AKAP6: variants seen among roughly 807,000 people sequenced by gnomAD.
The protein encoded by AKAP6 is A-kinase anchoring protein 6, also known as A-kinase anchor protein 6.
AKAP6 carries 58 observed loss-of-function variants against 188.5 expected under a neutral mutation model. The observed-to-expected ratio is 0.31, with a 90% CI of 0.25 to 0.38. AKAP6 has a LOEUF of 0.38. Ranked by LOEUF, AKAP6 falls within the 10% of genes least tolerant of loss-of-function variation. The pLI is 1.00. For missense variants in AKAP6, 2,710 were observed against 2,740.0 expected, an observed-to-expected ratio of 0.99 and a Z score of 0.24; for synonymous variants, 989 against 998.6, an observed-to-expected ratio of 0.99 and a Z score of 0.18.
chr14:32,703,392 A>G (rs547454390), intron 9 of AKAP6, among the ~76,000 whole-genome samples: 1 of 152,354 alleles, frequency 6.6e-6, no homozygotes, highest in South Asian at 2.1e-4. Flanking sequence ...GCTCCTAGAA[A>G]ACTGTGCTTA....
At chr14:32,394,628 A>G (rs1348317874) in intron 1 of AKAP6, among the ~76,000 whole-genome samples, 4 of 152,210 alleles carry the variant, frequency 2.6e-5, no homozygotes, top group Admixed American at 2.6e-4. Flanking sequence ...CTAAATGTAC[A>G]CACACATGTA....
At chr14:32,787,131 T>C (rs551424448) in intron 12 of AKAP6, among the ~76,000 whole-genome samples, 2 of 152,344 alleles carry the variant, frequency 1.3e-5, no homozygotes, top group East Asian at 3.9e-4. Context: ...ACATAACCAA[T>C]TACCACATTT....
intron 8 of AKAP6, among the ~76,000 whole-genome samples, chr14:32,687,572 C>A (rs1889992256): frequency 6.6e-6 from 1 of 151,960 alleles, no homozygotes; most frequent in Admixed American, 6.6e-5. Context: ...TGCACACCAG[C>A]CATAAAATGA....
Position 32,837,129 on chromosome 14 carries a change from T to G in AKAP6, c.*7324T>G, listed in dbSNP as rs1306702710. ...TGTACCATTGCTCTTTCTCCCTTCTTTATTCATTTTATATGGGGACGTTTG... is the reference window on the plus strand; with the variant it reads ...TGTACCATTGCTCTTTCTCCCTTCTGTATTCATTTTATATGGGGACGTTTG... On this transcript the variant is annotated 3_prime_UTR_variant, in exon 14 of 14. Coordinates refer to ENST00000280979, the MANE Select transcript of AKAP6 (RefSeq NM_004274.5). The G allele has an allele frequency of 2.6e-5, 4 of 152,192 alleles. No homozygotes were observed. Among genetic ancestry groups the G allele is most frequent in the Admixed American group, 6.5e-5 (1 of 15,282 alleles). 9.4% of individuals were successfully genotyped at this position (152,192 alleles called of 1,614,324 possible). A position where few individuals can be genotyped will look rare whatever the true frequency, so the allele number is the denominator to read the frequency against.
intron 7 of AKAP6, among the ~76,000 whole-genome samples, chr14:32,666,374 C>T (rs946122700): frequency 2.6e-5 from 4 of 152,088 alleles, no homozygotes; most frequent in Non-Finnish European, 4.4e-5. Flanking sequence ...TCTCCAGAGG[C>T]ACACAGCATT....
intron 11 of AKAP6, among the ~76,000 whole-genome samples, chr14:32,751,498 C>CTTTTTTTTTTTTTTTT (rs71432082): frequency 8.2e-6 from 1 of 122,548 alleles, no homozygotes; most frequent in Non-Finnish European, 1.6e-5. Context: ...TCTCTTTTCA[C>CTTTTTTTTTTTTTTTT]TTTTTTTTTT....
At chr14:32,747,769 G>A (rs1265482171) in intron 11 of AKAP6, among the ~76,000 whole-genome samples, 1 of 152,218 alleles carries the variant, frequency 6.6e-6, no homozygotes, top group Non-Finnish European at 1.5e-5. Context: ...CAGTCCCAGT[G>A]CAGTTTTCTA....
At chr14:32,487,905 C>A (rs1879791043) in intron 2 of AKAP6, among the ~76,000 whole-genome samples, 2 of 152,226 alleles carry the variant, frequency 1.3e-5, no homozygotes, top group South Asian at 4.1e-4. Context: ...CTGCTCCTTC[C>A]TCTGGAAGCT....
At chr14:32,681,632 C>T (rs1395606238) in intron 8 of AKAP6, among the ~76,000 whole-genome samples, 1 of 151,442 alleles carries the variant, frequency 6.6e-6, no homozygotes, top group Non-Finnish European at 1.5e-5. Context: ...CATTGCAGAG[C>T]AGGTTTAAAT....
chr14:32,475,678 C>CTTTT, intron 2 of AKAP6, among the ~76,000 whole-genome samples: 1 of 123,654 alleles, frequency 8.1e-6, no homozygotes, highest in Non-Finnish European at 1.6e-5. Flanking sequence ...ATTTTCAGCT[C>CTTTT]TTTTTTTTTT....
In AKAP6 at chr14:32,786,296, A is replaced by ATGTTTTTTTTTTTTTGTTTTTTTTTTTT; in HGVS notation, c.3588+12404_3588+12405insGTTTTTTTTTTTTTGTTTTTTTTTTTTT. Among the ~76,000 whole-genome samples the ATGTTTTTTTTTTTTTGTTTTTTTTTTTT allele has an allele frequency of 1.9e-4, 18 of 93,700 alleles. 1 individual carries two copies. The highest frequency in any genetic ancestry group is 2.9e-4 in the Non-Finnish European group (14 of 48,576). 61.5% of individuals were successfully genotyped at this position (93,700 alleles called of 152,430 possible). A position where few individuals can be genotyped will look rare whatever the true frequency, so the allele number is the denominator to read the frequency against. ...AGCCCTCTGAAAGACCTAAACCTTT[A>ATGTTTTTTTTTTTTTGTTTTTTTTTTTT]TCTTTTTTTTTTTTTTTTTTTTTTT... On this transcript the variant is annotated intron_variant, in intron 12 of 13. Transcript: ENST00000280979.
chr14:32,428,794 A>G (rs183238374), intron 1 of AKAP6, among the ~76,000 whole-genome samples: 111 of 152,356 alleles, frequency 7.3e-4, no homozygotes, highest in African/African-American at 2.1e-3. Flanking sequence ...ATGAGATCGC[A>G]GAAACAGTCC....
intron 8 of AKAP6, among the ~76,000 whole-genome samples, chr14:32,684,793 C>A (rs1268264353): frequency 6.6e-6 from 1 of 151,236 alleles, no homozygotes; most frequent in Non-Finnish European, 1.5e-5. Flanking sequence ...ATCTAAAATA[C>A]CTAGAATGCA....
rs71115083 is a variant in AKAP6 at position 32,548,529 on chromosome 14, AATAGATAGATAGATAG to A, written c.2346+1574_2346+1589del. Among the ~76,000 whole-genome samples the A allele has an allele frequency of 3.5e-3, 496 of 142,590 alleles. 2 individuals carry two copies. The highest frequency in any genetic ancestry group is 8.8e-3 in the African/African-American group (332 of 37,834). 93.5% of individuals were successfully genotyped at this position (142,590 alleles called of 152,430 possible). A position where few individuals can be genotyped will look rare whatever the true frequency, so the allele number is the denominator to read the frequency against. ...GCTTAAGTGATTTTTCTCAAGCTAA[AATAGATAGATAGATAG>A]ATAGATAGATAGATAGATAGATAGA... On this transcript the variant is annotated intron_variant, in intron 4 of 13. Transcript: ENST00000280979.
chr14:32,621,586 C>G (rs1389282509), intron 7 of AKAP6, among the ~76,000 whole-genome samples: 1 of 151,832 alleles, frequency 6.6e-6, no homozygotes, highest in East Asian at 1.9e-4. Flanking sequence ...TGTTTTGTGG[C>G]CTATCATATG....
intron 1 of AKAP6, among the ~76,000 whole-genome samples, chr14:32,396,891 G>A (rs1235817408): frequency 1.3e-5 from 2 of 152,174 alleles, no homozygotes; most frequent in South Asian, 2.1e-4. Context: ...AGTTTGATAA[G>A]TGTCTGCTGT....
At chr14:32,490,125 A>G (rs1199313678) in intron 2 of AKAP6, among the ~76,000 whole-genome samples, 1 of 139,362 alleles carries the variant, frequency 7.2e-6, no homozygotes. Flanking sequence ...GGGAGGTAAC[A>G]AAGTACATTG....
chr14:32,377,238 A>G (rs1407230204), intron 1 of AKAP6, among the ~76,000 whole-genome samples: 1 of 152,114 alleles, frequency 6.6e-6, no homozygotes, highest in Non-Finnish European at 1.5e-5. Context: ...GGTTTGATGC[A>G]ATTATTTCTC....
At chr14:32,818,595 T>G (rs1048190019) in intron 12 of AKAP6, among the ~76,000 whole-genome samples, 4 of 152,088 alleles carry the variant, frequency 2.6e-5, no homozygotes, top group Non-Finnish European at 5.9e-5. Flanking sequence ...CCCATGGATA[T>G]GGAGGGCCAA....
Sources: gnomAD v4.1 joint callset for allele counts (sites outside exome capture counted in the v4.1 genomes callset) on GRCh38, gnomAD v4.1.1 for gene constraint, MANE v1.5 for transcripts, NCBI Gene and HGNC (gene_info 2026-07-23, HGNC 2026-07-21) for gene names.